Variants in OSBPL3 observed in about 807,000 individuals in gnomAD.
OSBPL3 encodes the protein oxysterol-binding protein-related protein 3.
Under a neutral mutation model 120.1 loss-of-function variants are expected in OSBPL3, and 65 were observed. The ratio of observed to expected loss-of-function variants is 0.54; its 90% CI spans 0.44 to 0.67. The LOEUF is 0.67. Ranked by LOEUF, OSBPL3 falls within the 30% of genes least tolerant of loss-of-function variation. OSBPL3 has a pLI of 0.00. For synonymous variants in OSBPL3, 416 were observed against 402.6 expected, an observed-to-expected ratio of 1.03 and a Z score of -0.40; for missense variants, 1,004 against 1,082.1, an observed-to-expected ratio of 0.93 and a Z score of 1.01.
rs17150230 is a variant in OSBPL3, at chr7:24,820,677, T to G, written c.1885-439A>C. Among the ~76,000 whole-genome samples the G allele has an allele frequency of 0.039, 5,981 of 152,300 alleles. 251 individuals are homozygous for G. Among genetic ancestry groups the G allele is most frequent in the African/African-American group, 0.11 (4,532 of 41,542 alleles). On this transcript the variant is annotated intron_variant, in intron 16 of 22. Coordinates refer to ENST00000313367, the MANE Select transcript of OSBPL3 (RefSeq NM_015550.4). This position sits in a 1 kb window ranked among gnomAD's most constrained non-coding sequence, Gnocchi z 4.6. ...TTAAGATATCAAATAACAAGTATTT[T>G]AAATGCAACCCAAAATGTTCTTCCT...
chr7:24,884,481 G>A (rs972653024), intron 2 of OSBPL3, among the ~76,000 whole-genome samples: 3 of 152,130 alleles, frequency 2.0e-5, no homozygotes, highest in Admixed American at 1.3e-4. Context: ...TTCACTTCGA[G>A]TGTCCCATGC....
rs1805297479 is a variant in OSBPL3, at chr7:24,891,206, TTTC to T, written c.96+1168_96+1170del. Among the ~76,000 whole-genome samples, 1 of 146,580 alleles carries T rather than the reference TTTC, an allele frequency of 6.8e-6. No homozygotes were observed. The highest frequency in any genetic ancestry group is 1.5e-5 in the Non-Finnish European group (1 of 66,810). On this transcript the variant is annotated intron_variant, in intron 2 of 22. Coordinates refer to ENST00000313367, the MANE Select transcript of OSBPL3 (RefSeq NM_015550.4). This position sits in a 1 kb window ranked among gnomAD's most constrained non-coding sequence, Gnocchi z 4.1. ...ATTAGCCAATGACTAATTTTAGTCT[TTTC>T]TTATTTTTTTTTTTTTTAATTCCAG...
In OSBPL3 at chr7:24,898,129, C is replaced by A. The variant is rs1019131626; in HGVS notation, c.-149-5508G>T. ...TTTACAAATGGTACCCTCTGAAACA[C>A]CCTGATTTCAAAAATGTTACATGGT... On this transcript the variant is annotated intron_variant, in intron 1 of 22. Coordinates refer to ENST00000313367, the MANE Select transcript of OSBPL3 (RefSeq NM_015550.4). The surrounding 1 kb of genome is among the most constrained non-coding windows in gnomAD (Gnocchi z 4.3). 6.6e-6 allele frequency among the ~76,000 whole-genome samples: 1 copy of A among 152,168 alleles called. No homozygotes were observed. The highest frequency in any genetic ancestry group is 1.5e-5 in the Non-Finnish European group (1 of 68,042).
Position 24,803,047 on chromosome 7 carries a change from C to T in OSBPL3, c.2567+1268G>A, listed in dbSNP as rs116412558. On this transcript the variant is annotated intron_variant, in intron 22 of 22. Transcript: ENST00000313367. The surrounding 1 kb of genome is among the most constrained non-coding windows in gnomAD (Gnocchi z 4.2). The stretch of plus-strand genomic sequence containing the variant: ...TCTACATCAACTTTAGGGAAAAGAG[C>T]ATCATATTCTTCAAGACAAAACCTT... Among the ~76,000 whole-genome samples, 501 of 152,234 alleles carry T rather than the reference C, an allele frequency of 3.3e-3. 7 individuals carry two copies. The highest frequency in any genetic ancestry group is 0.012 in the African/African-American group (483 of 41,532).
Position 24,883,279 on chromosome 7 carries a change from A to C in OSBPL3, c.96+9098T>G, listed in dbSNP as rs1211708298. Among the ~76,000 whole-genome samples the C allele has an allele frequency of 6.6e-6, 1 of 152,114 alleles. No homozygotes were observed. The highest frequency in any genetic ancestry group is 1.5e-5 in the Non-Finnish European group (1 of 68,018). On this transcript the variant is annotated intron_variant, in intron 2 of 22. Transcript: ENST00000313367. The surrounding 1 kb of genome is among the most constrained non-coding windows in gnomAD (Gnocchi z 5.4). ...GGGCCAGGGTGTAGGTTTTAGAGGG[A>C]TATCAGATGACACTAGGGAAGTCTT...
chr7:24,854,573 G>C lies in OSBPL3; in HGVS notation c.1028-1939C>G, dbSNP rs1799604186. Among the ~76,000 whole-genome samples, 1 of 151,676 alleles carries C rather than the reference G, an allele frequency of 6.6e-6. No homozygotes were observed. On this transcript the variant is annotated intron_variant, in intron 10 of 22. Transcript: ENST00000313367. This position sits in a 1 kb window ranked among gnomAD's most constrained non-coding sequence, Gnocchi z 4.1. Reference sequence around the variant, plus strand: ...AATGGTGCTGCCTCTGCCAACAGAAGATGGGGGTCAAATGGAACTAAAATT... The same window carrying C: ...AATGGTGCTGCCTCTGCCAACAGAACATGGGGGTCAAATGGAACTAAAATT...
rs143778657 is a variant in OSBPL3 at position 24,846,474 on chromosome 7, G to C, written c.1266+2595C>G. Among the ~76,000 whole-genome samples the C allele has an allele frequency of 5.4e-3, 816 of 152,300 alleles. 3 individuals carry two copies. Among genetic ancestry groups the C allele is most frequent in the South Asian group, 0.026 (125 of 4,824 alleles). On this transcript the variant is annotated intron_variant, in intron 12 of 22. Coordinates refer to ENST00000313367, the MANE Select transcript of OSBPL3 (RefSeq NM_015550.4). ...CCGATATAGCAAACAGACATTAAAA[G>C]AATTAAGTTCCCTTCTCTTTCAGAC...
intron 12 of OSBPL3, among the ~76,000 whole-genome samples, chr7:24,844,367 T>G (rs1354002106): frequency 1.4e-5 from 2 of 141,806 alleles, no homozygotes; most frequent in Non-Finnish European, 3.0e-5. Flanking sequence ...ATTATGAGAT[T>G]TTTTTTGTGA....
intron 22 of OSBPL3, among the ~76,000 whole-genome samples, chr7:24,800,604 G>A (rs552433248): frequency 2.0e-4 from 30 of 151,960 alleles, no homozygotes; most frequent in Non-Finnish European, 3.7e-4. Context: ...CTACAGCCAT[G>A]TGCAACCATG....
chr7:24,890,563 G>A (rs958284655), intron 2 of OSBPL3, among the ~76,000 whole-genome samples: 1 of 152,200 alleles, frequency 6.6e-6, no homozygotes, highest in African/African-American at 2.4e-5. Context: ...AGAAGGATGA[G>A]AAAGCAGACG....
At position 24,797,759 on chromosome 7, in the gene OSBPL3, G is replaced by A. The variant is rs1479003238; in HGVS notation, c.*2424C>T. The A allele has an allele frequency of 2.0e-5, 3 of 152,026 alleles. No individual in the cohort carries two copies. Among genetic ancestry groups the A allele is most frequent in the South Asian group, 2.1e-4 (1 of 4,816 alleles). 9.4% of individuals were successfully genotyped at this position (152,026 alleles called of 1,614,324 possible). On this transcript the variant is annotated 3_prime_UTR_variant, in exon 23 of 23. Transcript: ENST00000313367. The surrounding 1 kb of genome is among the most constrained non-coding windows in gnomAD (Gnocchi z 4.8). ...AGAAAAAAAAAAGAGGTTAAAACAT[G>A]TAACTCAAATGGTACAGTGATTAGC... is the stretch of plus-strand genomic sequence containing the variant.
In OSBPL3 at chr7:24,806,646, C is replaced by T; in HGVS notation, c.2444+130G>A. The T allele has an allele frequency of 2.6e-6, 2 of 767,056 alleles. No homozygotes were observed. Among genetic ancestry groups the T allele is most frequent in the Non-Finnish European group, 4.2e-6 (2 of 479,902 alleles). The allele number at this position is 767,056 out of a possible 1,614,324, so 47.5% of individuals were successfully genotyped here. A position where few individuals can be genotyped will look rare whatever the true frequency, so the allele number is the denominator to read the frequency against. ...TCCGTGATACAATTGTTTAAAGCAT[C>T]CCCACCTCTCAATTCCTGATGACAT... On this transcript the variant is annotated intron_variant, in intron 21 of 22. Transcript: ENST00000313367. This position sits in a 1 kb window ranked among gnomAD's most constrained non-coding sequence, Gnocchi z 5.2.
rs752576673 is a variant in OSBPL3 at position 24,818,278 on chromosome 7, A to G, written c.1949-1590T>C. On this transcript the variant is annotated intron_variant, in intron 17 of 22. Transcript: ENST00000313367. The surrounding 1 kb of genome is among the most constrained non-coding windows in gnomAD (Gnocchi z 4.0). The stretch of plus-strand genomic sequence containing the variant: ...ATTCACAATTCTGTGAATAAAAACC[A>G]TTGAATTGTACACTTTACACGGGTG... 2.0e-5 allele frequency among the ~76,000 whole-genome samples: 3 copies of G among 152,220 alleles called. No homozygotes were observed. The highest frequency in any genetic ancestry group is 4.4e-5 in the Non-Finnish European group (3 of 68,036).
chr7:24,864,327 C>T (rs964131989), intron 7 of OSBPL3, among the ~76,000 whole-genome samples: 5 of 152,334 alleles, frequency 3.3e-5, no homozygotes, highest in African/African-American at 1.2e-4. Context: ...ATCATCAGAA[C>T]CACCTGGAGA....
In OSBPL3 at chr7:24,849,090, C is replaced by T. The variant is rs1339360555; in HGVS notation, c.1245G>A (p.Lys415=). The T allele has an allele frequency of 6.2e-7, 1 of 1,613,732 alleles. No individual in the cohort carries two copies. The highest frequency in any genetic ancestry group is 8.5e-7 in the Non-Finnish European group (1 of 1,179,668). ...SLLLDSPAVA[K]SGDNLAEENS... ...CCACCTCTGCCAGATTGTCACCCGA[C>T]TTGGCGACAGCGGGGGAGTCGAGGA... The change falls in exon 12 of 23, where the codon AAG becomes AAA. Residue 415 remains lysine (K), a synonymous_variant. Coordinates refer to ENST00000313367, the MANE Select transcript of OSBPL3 (RefSeq NM_015550.4). This position sits in a 1 kb window ranked among gnomAD's most constrained non-coding sequence, Gnocchi z 5.4.
rs565298987 is a variant in OSBPL3, at chr7:24,817,240, G to A, written c.1949-552C>T. 3.9e-4 allele frequency among the ~76,000 whole-genome samples: 60 copies of A among 152,338 alleles called. No individual in the cohort carries two copies. Among genetic ancestry groups the A allele is most frequent in the African/African-American group, 1.4e-3 (58 of 41,582 alleles). ...AGTAGAAAGGTTGAGAACAAAACCA[G>A]GTGCAGTGGCTCATGCCTGTAATCC... On this transcript the variant is annotated intron_variant, in intron 17 of 22. Transcript: ENST00000313367. This position sits in a 1 kb window ranked among gnomAD's most constrained non-coding sequence, Gnocchi z 4.0.
At position 24,862,544 on chromosome 7, in the gene OSBPL3, T is replaced by A. The variant is rs1426984977; in HGVS notation, c.870+656A>T. 2.0e-5 allele frequency among the ~76,000 whole-genome samples: 3 copies of A among 152,192 alleles called. No homozygotes were observed. The highest frequency in any genetic ancestry group is 4.4e-5 in the Non-Finnish European group (3 of 68,048). ...GCTTATCTTCAGTCCATAAACTACT[T>A]TGAACCAAAGAGTGTACACAAGTGT... On this transcript the variant is annotated intron_variant, in intron 9 of 22. Transcript: ENST00000313367. The surrounding 1 kb of genome is among the most constrained non-coding windows in gnomAD (Gnocchi z 4.4).
chr7:24,820,280 T>C lies in OSBPL3; in HGVS notation c.1885-42A>G. On this transcript the variant is annotated intron_variant, in intron 16 of 22. Coordinates refer to ENST00000313367, the MANE Select transcript of OSBPL3 (RefSeq NM_015550.4). This position sits in a 1 kb window ranked among gnomAD's most constrained non-coding sequence, Gnocchi z 4.6. ...ACAGAAAAACAAAAAATGAATGAAC[T>C]TTTGTGTCTCATGAAATCCATTCTT... The C allele has an allele frequency of 7.0e-7, 1 of 1,437,582 alleles. No homozygotes were observed. The highest frequency in any genetic ancestry group is 1.2e-5 in the South Asian group (1 of 85,334). 89.1% of individuals were successfully genotyped at this position (1,437,582 alleles called of 1,614,324 possible). A position where few individuals can be genotyped will look rare whatever the true frequency, so the allele number is the denominator to read the frequency against.
rs562472688 is a variant in OSBPL3, at chr7:24,862,386, C to T, written c.871-617G>A. Among the ~76,000 whole-genome samples, 1 of 152,320 alleles carries T rather than the reference C, an allele frequency of 6.6e-6. No homozygotes were observed. Among genetic ancestry groups the T allele is most frequent in the East Asian group, 1.9e-4 (1 of 5,186 alleles). ...CTTTCTCATTTATACTCAATTCCTT[C>T]CTCCTGGCAATAATCATCCATGTAT... On this transcript the variant is annotated intron_variant, in intron 9 of 22. Transcript: ENST00000313367. This position sits in a 1 kb window ranked among gnomAD's most constrained non-coding sequence, Gnocchi z 4.4.
Sources: allele counts gnomAD v4.1 joint callset (sites outside exome capture counted in the v4.1 genomes callset), GRCh38; gene constraint gnomAD v4.1.1; non-coding constraint Gnocchi (gnomAD v3.1); transcripts MANE v1.5; gene names NCBI Gene and HGNC (gene_info 2026-07-23, HGNC 2026-07-21).